PIP5K1B: variants seen among roughly 807,000 people sequenced by gnomAD.
PIP5K1B encodes the protein phosphatidylinositol-4-phosphate 5-kinase type 1 beta.
Under a neutral mutation model 67.0 loss-of-function variants are expected in PIP5K1B, and 42 were observed. That is an observed-to-expected ratio of 0.63 (90% CI 0.49 to 0.81). The LOEUF is 0.81. PIP5K1B is among the 30% of genes least tolerant of loss of function. The pLI, the probability that PIP5K1B is intolerant of heterozygous loss-of-function variation, is 0.00. For synonymous variants in PIP5K1B, 214 were observed against 231.4 expected, an observed-to-expected ratio of 0.92 and a Z score of 0.68; for missense variants, 459 against 646.3, an observed-to-expected ratio of 0.71 and a Z score of 3.14.
At position 68,719,258 on chromosome 9, in the gene PIP5K1B, T is replaced by G. The variant is rs539589127; in HGVS notation, c.-243+13496T>G. 2.0e-5 allele frequency among the ~76,000 whole-genome samples: 3 copies of G among 152,316 alleles called. No homozygotes were observed. The East Asian group carries it at 5.8e-4, about 29-fold the overall frequency. On this transcript the variant is annotated intron_variant, in intron 1 of 15. Transcript: ENST00000265382. Reference sequence around the variant, plus strand: ...GATTTCATAGACTTTTTCATTTAAGTTAAACATAGTGGCAATTGATGAGTA... The same window carrying G: ...GATTTCATAGACTTTTTCATTTAAGGTAAACATAGTGGCAATTGATGAGTA...
intron 14 of PIP5K1B, among the ~76,000 whole-genome samples, chr9:68,979,583 C>T (rs1212782850): frequency 2.0e-5 from 3 of 152,252 alleles, no homozygotes; most frequent in Non-Finnish European, 4.4e-5. Context: ...AGGAGGCCCT[C>T]TTCTCACCTC....
chr9:68,921,175 T>A (rs1413964840), intron 11 of PIP5K1B, among the ~76,000 whole-genome samples: 1 of 152,112 alleles, frequency 6.6e-6, no homozygotes, highest in Non-Finnish European at 1.5e-5. Flanking sequence ...AGAATTAACC[T>A]CTAAGCTGGG....
intron 14 of PIP5K1B, among the ~76,000 whole-genome samples, chr9:68,986,630 A>G (rs1301256204): frequency 1.3e-5 from 2 of 152,236 alleles, no homozygotes; most frequent in Non-Finnish European, 2.9e-5. Flanking sequence ...GATTTTATCA[A>G]ATTTTGACCT....
intron 1 of PIP5K1B, among the ~76,000 whole-genome samples, chr9:68,719,348 T>C (rs1298414570): frequency 1.3e-5 from 2 of 152,218 alleles, no homozygotes; most frequent in Admixed American, 1.3e-4. Flanking sequence ...TGCATTTCTC[T>C]TTTCCTTGGA....
intron 4 of PIP5K1B, among the ~76,000 whole-genome samples, chr9:68,849,466 C>T (rs922709330): frequency 2.6e-5 from 4 of 152,140 alleles, no homozygotes; most frequent in South Asian, 2.1e-4. Context: ...CTGCAACCTC[C>T]GCCTCCCAGG....
In PIP5K1B at chr9:68,742,525, G is replaced by C. The variant is rs1460197242; in HGVS notation, c.-218G>C. 1 of 152,162 alleles carries C rather than the reference G, an allele frequency of 6.6e-6. No homozygotes were observed. The highest frequency in any genetic ancestry group is 1.5e-5 in the Non-Finnish European group (1 of 68,036). The allele number at this position is 152,162 out of a possible 1,614,324, so 9.4% of individuals were successfully genotyped here. ...GATGAGGAAGCCAAGGCCCAGCAGAGCTGAGATGTGACTGCAGAGCCGTCC... is the reference window on the plus strand; with the variant it reads ...GATGAGGAAGCCAAGGCCCAGCAGACCTGAGATGTGACTGCAGAGCCGTCC... On this transcript the variant is annotated 5_prime_UTR_variant, in exon 2 of 16. Transcript: ENST00000265382.
chr9:68,901,762 T>G (rs1432192852), intron 8 of PIP5K1B, among the ~76,000 whole-genome samples: 2 of 152,194 alleles, frequency 1.3e-5, no homozygotes, highest in East Asian at 3.8e-4. Flanking sequence ...GAAGGAATCC[T>G]AAGAGTTCCT....
intron 8 of PIP5K1B, 96 bp from the exon 9 acceptor site, chr9:68,917,452 G>A (rs887209168): frequency 4.7e-6 from 4 of 845,430 alleles, no homozygotes; most frequent in Admixed American, 2.0e-5. Flanking sequence ...AATAACAGGA[G>A]CTGTGTGTCT....
intron 15 of PIP5K1B, among the ~76,000 whole-genome samples, chr9:68,991,638 C>T (rs10746983): frequency 0.42 from 64,077 of 151,630 alleles, 15,045 homozygotes; most frequent in East Asian, 0.53. Flanking sequence ...CCGAGAGGCG[C>T]AGAACTGGGT....
chr9:68,958,636 A>G (rs1828536674), intron 14 of PIP5K1B, among the ~76,000 whole-genome samples: 1 of 152,204 alleles, frequency 6.6e-6, no homozygotes. Flanking sequence ...CTCCTATTCA[A>G]TCGCATACTT....
intron 5 of PIP5K1B, 118 bp downstream of exon 5, chr9:68,864,085 C>A (rs1051339077): frequency 3.2e-5 from 29 of 916,618 alleles, no homozygotes; most frequent in Non-Finnish European, 4.3e-5. Context: ...GAATATTGGG[C>A]CTTTGGCAGG....
At chr9:68,956,074 T>A (rs959603375) in intron 14 of PIP5K1B, among the ~76,000 whole-genome samples, 1 of 152,186 alleles carries the variant, frequency 6.6e-6, no homozygotes, top group Non-Finnish European at 1.5e-5. Context: ...AAAAACATAA[T>A]AACTTGACCC....
intron 14 of PIP5K1B, among the ~76,000 whole-genome samples, chr9:68,951,475 C>G (rs751913064): frequency 6.6e-6 from 1 of 152,186 alleles, no homozygotes; most frequent in Non-Finnish European, 1.5e-5. Context: ...ACCACCCTCA[C>G]CTGCTGCTTT....
chr9:68,994,165 T>A (rs1443241228), intron 15 of PIP5K1B, among the ~76,000 whole-genome samples: 2 of 150,550 alleles, frequency 1.3e-5, no homozygotes, highest in Non-Finnish European at 3.0e-5. Flanking sequence ...CTCAGCCTCC[T>A]AAGTAGCTGG....
intron 2 of PIP5K1B, among the ~76,000 whole-genome samples, chr9:68,747,002 C>G (rs1215107310): frequency 6.6e-6 from 1 of 152,036 alleles, no homozygotes; most frequent in Non-Finnish European, 1.5e-5. Context: ...GAATGTCTTT[C>G]TCCTTAGGAA....
chr9:68,896,658 G>T (rs1302647403), intron 8 of PIP5K1B, among the ~76,000 whole-genome samples: 1 of 152,160 alleles, frequency 6.6e-6, no homozygotes, highest in Admixed American at 6.5e-5. Flanking sequence ...CTCTTGGGCT[G>T]GTATGGGAGT....
chr9:68,957,167 A>G (rs551443837), intron 14 of PIP5K1B, among the ~76,000 whole-genome samples: 1 of 152,058 alleles, frequency 6.6e-6, no homozygotes, highest in South Asian at 2.1e-4. Context: ...TAGTTACAAG[A>G]TGGCTGCCAT....
intron 14 of PIP5K1B, among the ~76,000 whole-genome samples, chr9:68,959,109 A>G (rs1828570083): frequency 6.6e-6 from 1 of 152,210 alleles, no homozygotes; most frequent in Non-Finnish European, 1.5e-5. Context: ...TATAATGAGG[A>G]ATAAACTTTT....
At position 68,888,966 on chromosome 9, in the gene PIP5K1B, C is replaced by T; in HGVS notation, c.319-15C>T. On this transcript the variant is annotated splice_polypyrimidine_tract_variant and intron_variant, in intron 6 of 15. Transcript: ENST00000265382. The stretch of plus-strand genomic sequence containing the variant: ...TCAAGTATATGTTTTAATGTTTATT[C>T]ATTTACCCTTTTAGTATTCCATCTG... 4 of 1,575,782 alleles carry T rather than the reference C, an allele frequency of 2.5e-6. No homozygotes were observed. The highest frequency in any genetic ancestry group is 1.1e-5 in the South Asian group (1 of 89,986).
Sources: gnomAD v4.1 joint callset for allele counts (sites outside exome capture counted in the v4.1 genomes callset) on GRCh38, gnomAD v4.1.1 for gene constraint, MANE v1.5 for transcripts, NCBI Gene and HGNC (gene_info 2026-07-23, HGNC 2026-07-21) for gene names.